Variants in MFRP observed in about 807,000 individuals in gnomAD.
MFRP encodes the protein membrane frizzled-related protein.
A neutral mutation model predicts 65.8 loss-of-function variants in MFRP; 74 were observed. The ratio of observed to expected loss-of-function variants is 1.12; its 90% CI spans 0.93 to 1.36. The LOEUF (loss-of-function observed/expected upper bound fraction) is 1.36. MFRP is among the 40% of genes most tolerant of loss of function. The probability of loss-of-function intolerance (pLI) is 0.00; values close to 1 mark genes in which losing one functional copy is unlikely to be tolerated. For missense variants in MFRP, 838 were observed against 736.0 expected (o/e 1.14, Z -1.60); for synonymous variants, 336 against 288.3 (o/e 1.17, Z -1.68).
chr11:119,345,444 G>C lies in MFRP; in HGVS notation c.617C>G (p.Pro206Arg), dbSNP rs1950553083. Residue 206 changes from proline (P) to arginine (R), a missense_variant, in exon 5 of 15, where the codon CCT becomes CGT. Coordinates refer to ENST00000619721, the MANE Select transcript of MFRP (RefSeq NM_031433.4). ...CCTGAGGAGGGGGCCTTCAGGCTCA[G>C]GGGAGAGTTCCAAGCGATCAAAAAG... is the stretch of plus-strand genomic sequence containing the variant. ...SCLFDRLELS[P>R]EPEGPLLRVC... The C allele has an allele frequency of 3.1e-6, 5 of 1,613,872 alleles. No homozygotes were observed. Among genetic ancestry groups the C allele is most frequent in the Non-Finnish European group, 3.4e-6 (4 of 1,180,040 alleles).
chr11:119,342,108 AGAG>A lies in MFRP; in HGVS notation c.1388-127_1388-125del, dbSNP rs1950508868. On this transcript the variant is annotated intron_variant, in intron 11 of 14. Coordinates refer to ENST00000619721, the MANE Select transcript of MFRP (RefSeq NM_031433.4). ...CAATGGGGGTGGTTGTGAGGAAGCA[AGAG>A]GATAACAAAGAGACAGGCTGTACAC... 9 of 1,176,358 alleles carry A rather than the reference AGAG, an allele frequency of 7.7e-6. No individual in the cohort carries two copies. The Admixed American group carries it at 1.8e-4, about 24-fold the overall frequency. 72.9% of individuals were successfully genotyped at this position (1,176,358 alleles called of 1,614,324 possible).
chr11:119,346,210 C>T (rs1415903642), intron 2 of MFRP, 51 bp from the exon 3 acceptor site: 2 of 1,568,442 alleles, frequency 1.3e-6, no homozygotes, highest in East Asian at 4.7e-5. Flanking sequence ...GGGTATTCCT[C>T]ATGCTGTCCT....
rs750160394 is a variant in MFRP, at chr11:119,341,864, C to A, written c.1508G>T (p.Gly503Val). Residue 503 changes from glycine (G) to valine (V), a missense_variant, in exon 12 of 15, where the codon GGT becomes GTT. By Grantham distance (109) the Gly-to-Val change is moderately radical. Coordinates refer to ENST00000619721, the MANE Select transcript of MFRP (RefSeq NM_031433.4). ...TQEEVVEVLS[G>V]YKSLTSLPCY... ...TCCCTCCACCCAGAAGACCTTGTAA[C>A]CGCTGAGGACCTCTACCACCTCCTC... The A allele has an allele frequency of 3.5e-5, 57 of 1,610,448 alleles. No homozygotes were observed. The highest frequency in any genetic ancestry group is 4.7e-5 in the Non-Finnish European group (55 of 1,177,266).
At chr11:119,345,664 C>G (rs1257422486) in intron 4 of MFRP, 31 bp from the exon 5 acceptor site, 1 of 1,612,682 alleles carries the variant, frequency 6.2e-7, no homozygotes, top group East Asian at 2.2e-5. Context: ...GTTCAGAGGT[C>G]AAAAGGAGTG....
Position 119,346,289 on chromosome 11 carries a change from A to G in MFRP, c.140T>C (p.Val47Ala), listed in dbSNP as rs1380762033. Residue 47 changes from valine to alanine, a missense_variant, in exon 2 of 15, where the codon GTC becomes GCC. By Grantham distance (64) the Val-to-Ala change is moderately conservative (BLOSUM62 0). Coordinates refer to ENST00000619721, the MANE Select transcript of MFRP (RefSeq NM_031433.4). The stretch of plus-strand genomic sequence containing the variant: ...ATGGTTACCATGCCAGGGAGCTGGG[A>G]CGCTGTAGCTGGCATCCTCTGGGAA... The part of the protein sequence containing the change: ...PVFPEDASYS[V>A]PAPWHGRRPR... 1.3e-5 allele frequency: 21 copies of G among 1,613,304 alleles called. No homozygotes were observed. The highest frequency in any genetic ancestry group is 1.7e-5 in the Non-Finnish European group (20 of 1,179,788).
At position 119,340,689 on chromosome 11, in the gene MFRP, A is replaced by G. The variant is rs1444084546; in HGVS notation, c.*853+6T>C. ...CAGCCCCTTTCCCCTCCTCCGCCAG[A>G]CTCACCCCCCCTCCCGGCTCCCCGA... is the stretch of plus-strand genomic sequence containing the variant. On this transcript the variant is annotated splice_donor_region_variant and intron_variant, in intron 13 of 14. Transcript: ENST00000619721. 2.0e-4 allele frequency: 85 copies of G among 430,262 alleles called. 1 individual carries two copies. In the South Asian group the frequency reaches 2.4e-3, roughly 12 times the overall value. 26.7% of individuals were successfully genotyped at this position (430,262 alleles called of 1,614,324 possible).
In MFRP at chr11:119,341,790, C is replaced by T. The variant is rs201826273; in HGVS notation, c.1516-18G>A. ...GTCAGGCTCTGCGGAGGGAGAGTGG[C>T]CTTCAGGCACCTGCTCCCAGGCTCC... On this transcript the variant is annotated intron_variant, in intron 12 of 14. Transcript: ENST00000619721. 1 of 1,613,266 alleles carries T rather than the reference C, an allele frequency of 6.2e-7. No homozygotes were observed. The highest frequency in any genetic ancestry group is 8.5e-7 in the Non-Finnish European group (1 of 1,179,972).
Position 119,346,392 on chromosome 11 carries a change from T to C in MFRP, c.55-18A>G. ...AACTCGGTCTGGAAGGGGGAGATAC[T>C]TGAGGGCTGAGGGCAGCAGTGACCA... On this transcript the variant is annotated intron_variant, in intron 1 of 14. Transcript: ENST00000619721. 6.2e-7 allele frequency: 1 copy of C among 1,613,742 alleles called. No homozygotes were observed. The highest frequency in any genetic ancestry group is 1.7e-5 in the Admixed American group (1 of 60,018).
rs1177929329 is a variant in MFRP, at chr11:119,339,825, G to T, written c.*1134C>A. 1 of 1,512,208 alleles carries T rather than the reference G, an allele frequency of 6.6e-7. No individual in the cohort carries two copies. The highest frequency in any genetic ancestry group is 2.4e-5 in the East Asian group (1 of 40,900). The allele number at this position is 1,512,208 out of a possible 1,614,324, so 93.7% of individuals were successfully genotyped here. On this transcript the variant is annotated 3_prime_UTR_variant, in exon 15 of 15. Coordinates refer to ENST00000619721, the MANE Select transcript of MFRP (RefSeq NM_031433.4). This position sits in a 1 kb window ranked among gnomAD's most constrained non-coding sequence, Gnocchi z 5.4. The stretch of plus-strand genomic sequence containing the variant: ...GGTCCCGCCTCTCCTCGCGGCCCGG[G>T]GTCCCCTCGAGGTCCCGGCAGTCCT...
intron 8 of MFRP, 83 bp from the exon 9 acceptor site, chr11:119,344,047 T>A: frequency 1.9e-6 from 3 of 1,538,772 alleles, no homozygotes; most frequent in Non-Finnish European, 2.7e-6. Flanking sequence ...CTTCCCCCAC[T>A]GCTGGCTGGG....
At chr11:119,342,023 C>T (rs1950508012) in intron 11 of MFRP, 39 bp from the exon 12 acceptor site, 1 of 1,611,362 alleles carries the variant, frequency 6.2e-7, no homozygotes, top group Non-Finnish European at 8.5e-7. Context: ...GGGGACTGCT[C>T]ACTGGCTCTG....
Position 119,341,440 on chromosome 11 carries a change from G to T in MFRP, c.*108C>A. ...CTTCCCCCTCCCTGGGAGCCCCAGA[G>T]AAGGATGGGTAGAGACCCTGCTGAT... On this transcript the variant is annotated 3_prime_UTR_variant, in exon 13 of 15. Transcript: ENST00000619721. 1 of 935,192 alleles carries T rather than the reference G, an allele frequency of 1.1e-6. No individual in the cohort carries two copies. The highest frequency in any genetic ancestry group is 2.3e-5 in the Admixed American group (1 of 42,800). The allele number at this position is 935,192 out of a possible 1,614,324, so 57.9% of individuals were successfully genotyped here.
chr11:119,344,512 A>G, intron 7 of MFRP, 120 bp downstream of exon 7: 1 of 1,586,812 alleles, frequency 6.3e-7, no homozygotes. Flanking sequence ...TCTGGGCCAA[A>G]GAATGACTGA....
intron 14 of MFRP, 48 bp downstream of exon 14, chr11:119,340,136 G>A (rs1298086690): frequency 6.7e-7 from 1 of 1,489,306 alleles, no homozygotes; most frequent in Non-Finnish European, 8.9e-7. Context: ...AGCTGCGGCC[G>A]CGCCTGCTCG....
intron 9 of MFRP, 24 bp from the exon 10 acceptor site, chr11:119,343,027 TGGG>T (rs1303663260): frequency 1.3e-6 from 2 of 1,584,854 alleles, no homozygotes. Context: ...ACAGCTGTTC[TGGG>T]CACCAGCCCT....
In MFRP at chr11:119,345,627, C is replaced by G; in HGVS notation, c.434G>C (p.Gly145Ala). ...GCCCCTTGGGCCAGAGAGGAGGCCT[C>G]CACAGGCTGCAGAGATGGAGGTTAG... is the stretch of plus-strand genomic sequence containing the variant. ...GVSPSPQSTC[G>A]GLLSGPRGFF... Residue 145 changes from glycine to alanine, a missense_variant, in exon 5 of 15, where the codon GGA becomes GCA. Physicochemically the swap from Gly to Ala is moderately conservative, Grantham distance 60. Transcript: ENST00000619721. 6.2e-7 allele frequency: 1 copy of G among 1,613,600 alleles called. No individual in the cohort carries two copies. The highest frequency in any genetic ancestry group is 1.3e-5 in the African/African-American group (1 of 75,022).
chr11:119,344,713 G>A lies in MFRP; in HGVS notation c.817C>T (p.Leu273=). ...CCATCACACACTGAGTCAGGTAGCA[G>A]GCAGATGAGCTGGTCACAGCGGAAC... The part of the protein sequence containing the change: ...DEFRCDQLIC[L]LPDSVCDGFA... The change falls in exon 7 of 15, where the codon CTG becomes TTG. Residue 273 remains leucine, a synonymous_variant. Coordinates refer to ENST00000619721, the MANE Select transcript of MFRP (RefSeq NM_031433.4). 1 of 1,614,084 alleles carries A rather than the reference G, an allele frequency of 6.2e-7. No homozygotes were observed. The highest frequency in any genetic ancestry group is 8.5e-7 in the Non-Finnish European group (1 of 1,180,034).
At position 119,341,615 on chromosome 11, in the gene MFRP, G is replaced by T. The variant is rs1372508025; in HGVS notation, c.1673C>A (p.Thr558Asn). Reference protein sequence around the residue: ...QCQSGLALLGTPWPFNCNRLP... With the variant: ...QCQSGLALLGNPWPFNCNRLP... ...CCTGTTGCAGTTGAAGGGCCAGGGG[G>T]TGCCCAGTAGTGCCAGGCCAGACTG... Residue 558 changes from threonine (T) to asparagine (N), a missense_variant, in exon 13 of 15, where the codon ACC becomes AAC. Coordinates refer to ENST00000619721, the MANE Select transcript of MFRP (RefSeq NM_031433.4). 17 of 1,612,848 alleles carry T rather than the reference G, an allele frequency of 1.1e-5. No homozygotes were observed. The highest frequency in any genetic ancestry group is 1.7e-5 in the Admixed American group (1 of 60,010).
In MFRP at chr11:119,344,884, GGCCATA is replaced by G. The variant is rs1158033507; in HGVS notation, c.756_761del (p.Met253_Ala254del). 1 of 1,613,016 alleles carries G rather than the reference GGCCATA, an allele frequency of 6.2e-7. No individual in the cohort carries two copies. The highest frequency in any genetic ancestry group is 8.5e-7 in the Non-Finnish European group (1 of 1,179,922). On this transcript the variant is annotated inframe_deletion, in exon 6 of 15. Transcript: ENST00000619721. The stretch of plus-strand genomic sequence containing the variant: ...TGGGAACACACTCACCGCGCCCAGG[GGCCATA>G]GCCTGGTACCAGGCATGGAAACCAA...
Sources: gnomAD v4.1 joint callset for allele counts on GRCh38, gnomAD v4.1.1 for gene constraint, Gnocchi (gnomAD v3.1) non-coding constraint, MANE v1.5 for transcripts, NCBI Gene and HGNC (gene_info 2026-07-23, HGNC 2026-07-21) for gene names.